Variants in GRIN2B observed in about 807,000 individuals in gnomAD.
GRIN2B encodes the protein glutamate receptor ionotropic, NMDA 2B.
A neutral mutation model predicts 114.5 loss-of-function variants in GRIN2B; 5 were observed. The observed-to-expected ratio is 0.04, with a 90% CI of 0.02 to 0.09. The LOEUF (loss-of-function observed/expected upper bound fraction) is 0.09, where lower values mean the gene tolerates loss of function less well. Ranked by LOEUF, GRIN2B falls within the 10% of genes least tolerant of loss-of-function variation. The pLI, the probability that GRIN2B is intolerant of heterozygous loss-of-function variation, is 1.00. For synonymous variants in GRIN2B, 787 were observed against 745.1 expected, an observed-to-expected ratio of 1.06 and a Z score of -0.92; for missense variants, 1,108 against 1,943.5, an observed-to-expected ratio of 0.57 and a Z score of 8.08.
rs184190907 is a variant in GRIN2B, at chr12:13,971,104, C to T, written c.-19+8824G>A. Among the ~76,000 whole-genome samples the T allele has an allele frequency of 6.7e-4, 102 of 152,266 alleles. 1 individual carries two copies. Among genetic ancestry groups the T allele is most frequent in the Admixed American group, 6.5e-3 (100 of 15,294 alleles). On this transcript the variant is annotated intron_variant, in intron 2 of 13. Transcript: ENST00000609686. The stretch of plus-strand genomic sequence containing the variant: ...GGATGTTTTGCCTGTGTGGGGCCAG[C>T]CAGTAGATATTTGAAAAATTCAAAT...
At chr12:13,789,671 C>T (rs1268719765) in intron 3 of GRIN2B, among the ~76,000 whole-genome samples, 1 of 152,132 alleles carries the variant, frequency 6.6e-6, no homozygotes, top group Non-Finnish European at 1.5e-5. Context: ...CGATTCAGGG[C>T]TATGCATCAG....
intron 1 of GRIN2B, among the ~76,000 whole-genome samples, chr12:13,981,034 G>A (rs2136883134): frequency 6.6e-6 from 1 of 152,264 alleles, no homozygotes; most frequent in African/African-American, 2.4e-5. Context: ...CGTGTCGATT[G>A]GACGGATGGG....
chr12:13,702,898 C>T (rs1276675662), intron 4 of GRIN2B, among the ~76,000 whole-genome samples: 1 of 152,150 alleles, frequency 6.6e-6, no homozygotes, highest in Non-Finnish European at 1.5e-5. Flanking sequence ...TCCAAATTAA[C>T]TCATTGCTTA....
chr12:13,578,871 C>T (rs567816646), intron 10 of GRIN2B, among the ~76,000 whole-genome samples: 93 of 149,590 alleles, frequency 6.2e-4, no homozygotes, highest in African/African-American at 2.2e-3. Flanking sequence ...TAAGAAAGAA[C>T]CAGACATACA....
intron 3 of GRIN2B, among the ~76,000 whole-genome samples, chr12:13,848,126 C>A (rs1362717218): frequency 6.6e-6 from 1 of 152,162 alleles, no homozygotes; most frequent in Non-Finnish European, 1.5e-5. Context: ...CAGAGAGGAT[C>A]CCCACAAACG....
Position 13,547,599 on chromosome 12 carries a change from A to G in GRIN2B, c.*15184T>C, listed in dbSNP as rs1273335448. ...AATAAAAAAGAAAGGAAAGGAGAAA[A>G]CAATAATTGGCCTAGGAGATGGGAG... On this transcript the variant is annotated 3_prime_UTR_variant, in exon 14 of 14. Transcript: ENST00000609686. 3 of 152,206 alleles carry G rather than the reference A, an allele frequency of 2.0e-5. No individual in the cohort carries two copies. The East Asian group carries it at 5.8e-4, about 29-fold the overall frequency. 9.4% of individuals were successfully genotyped at this position (152,206 alleles called of 1,614,324 possible).
rs201867439 is a variant in GRIN2B, at chr12:13,675,859, C to T, written c.1011G>A (p.Arg337=). The change falls in exon 5 of 14, where the codon AGG becomes AGA. Residue 337 remains arginine (R), a splice_region_variant and synonymous_variant. Transcript: ENST00000609686. ...KRIYQSNMLN[R]YLINVTFEGR... ...CCTCAAAAGTGACATTGATCAGATA[C>T]CTGTAAAGATAAAATAAAAGGAAGA... The T allele has an allele frequency of 2.0e-6, 3 of 1,505,228 alleles. No individual in the cohort carries two copies. The highest frequency in any genetic ancestry group is 1.4e-5 in the African/African-American group (1 of 72,776). The allele number at this position is 1,505,228 out of a possible 1,614,324, so 93.2% of individuals were successfully genotyped here.
intron 3 of GRIN2B, among the ~76,000 whole-genome samples, chr12:13,809,575 A>C (rs1864687146): frequency 6.6e-6 from 1 of 152,224 alleles, no homozygotes; most frequent in Non-Finnish European, 1.5e-5. Flanking sequence ...CACTTGCCAA[A>C]GATAGAATTC....
At chr12:13,865,755 C>T (rs200719699) in intron 3 of GRIN2B, 43 bp downstream of exon 3, 7 of 1,488,766 alleles carry the variant, frequency 4.7e-6, no homozygotes, top group Non-Finnish European at 6.6e-6. Flanking sequence ...GTTTAGTCCT[C>T]AGCACAAACC....
chr12:13,866,782 C>T (rs991218568), intron 2 of GRIN2B, among the ~76,000 whole-genome samples: 17 of 152,228 alleles, frequency 1.1e-4, no homozygotes, highest in Admixed American at 1.0e-3. Context: ...TTGTTAGTAT[C>T]TGGCTCTTAA....
At chr12:13,685,712 C>T (rs1950170100) in intron 4 of GRIN2B, among the ~76,000 whole-genome samples, 1 of 152,130 alleles carries the variant, frequency 6.6e-6, no homozygotes, top group Non-Finnish European at 1.5e-5. Context: ...ACCACACCTA[C>T]CATACAGATA....
chr12:13,945,507 C>G (rs1384121857), intron 2 of GRIN2B, among the ~76,000 whole-genome samples: 1 of 152,168 alleles, frequency 6.6e-6, no homozygotes, highest in Non-Finnish European at 1.5e-5. Context: ...TCTTACCTGG[C>G]AGAACAGTGA....
chr12:13,760,250 G>C (rs553905392), intron 3 of GRIN2B, among the ~76,000 whole-genome samples: 2 of 152,158 alleles, frequency 1.3e-5, no homozygotes, highest in Admixed American at 6.5e-5. Context: ...GGCAGGGATC[G>C]GCATGTGTTT....
At chr12:13,893,923 T>G (rs890132103) in intron 2 of GRIN2B, among the ~76,000 whole-genome samples, 30 of 152,040 alleles carry the variant, frequency 2.0e-4, no homozygotes, top group Non-Finnish European at 8.8e-5. Flanking sequence ...ATACTGTAGA[T>G]ATGAGCAGAA....
intron 4 of GRIN2B, among the ~76,000 whole-genome samples, chr12:13,735,241 TGAGA>T (rs1284431236): frequency 3.3e-5 from 5 of 152,250 alleles, no homozygotes; most frequent in Non-Finnish European, 7.3e-5. Flanking sequence ...CAACTTGATT[TGAGA>T]AAGACTACTA....
intron 5 of GRIN2B, among the ~76,000 whole-genome samples, chr12:13,649,607 A>G (rs992949340): frequency 2.6e-5 from 4 of 152,094 alleles, no homozygotes; most frequent in African/African-American, 9.7e-5. Context: ...GATAGAAACC[A>G]GTTTTTCATT....
chr12:13,902,597 G>C (rs1018389660), intron 2 of GRIN2B, among the ~76,000 whole-genome samples: 2 of 152,106 alleles, frequency 1.3e-5, no homozygotes, highest in African/African-American at 2.4e-5. Flanking sequence ...GATTACCTGA[G>C]GTCGAGAATT....
chr12:13,598,166 C>T (rs1283825539), intron 10 of GRIN2B, among the ~76,000 whole-genome samples: 1 of 152,238 alleles, frequency 6.6e-6, no homozygotes, highest in Non-Finnish European at 1.5e-5. Flanking sequence ...AAGTTCTGGG[C>T]TCCCCAGAGA....
intron 2 of GRIN2B, among the ~76,000 whole-genome samples, chr12:13,915,584 A>T (rs1866702868): frequency 6.6e-6 from 1 of 152,256 alleles, no homozygotes; most frequent in Non-Finnish European, 1.5e-5. Context: ...CACAGTGTCC[A>T]TTATAGCTGC....
Sources: allele counts gnomAD v4.1 joint callset (sites outside exome capture counted in the v4.1 genomes callset), GRCh38; gene constraint gnomAD v4.1.1; transcripts MANE v1.5; gene names NCBI Gene and HGNC (gene_info 2026-07-23, HGNC 2026-07-21).